Variants in NBAS observed in about 807,000 individuals in gnomAD.
NBAS encodes NAG/BC035112 fusion.
In NBAS, 219 loss-of-function variants were observed where a neutral mutation model predicts 302.5. That is an observed-to-expected ratio of 0.72 (90% CI 0.65 to 0.81). The LOEUF (loss-of-function observed/expected upper bound fraction) is 0.81. Among genes scored for constraint, NBAS ranks in the 30% least tolerant of loss-of-function variants. The probability of loss-of-function intolerance (pLI) is 0.00; values close to 1 mark genes in which losing one functional copy is unlikely to be tolerated. For synonymous variants in NBAS, 1,118 were observed against 1,021.6 expected, an observed-to-expected ratio of 1.09 and a Z score of -1.80; for missense variants, 2,932 against 2,841.6, an observed-to-expected ratio of 1.03 and a Z score of -0.72.
chr2:15,403,417 C>A (rs1676245648), intron 25 of NBAS, among the ~76,000 whole-genome samples: 3 of 152,156 alleles, frequency 2.0e-5, no homozygotes, highest in South Asian at 2.1e-4. Flanking sequence ...AGCCATGTAT[C>A]CAAAATATCT....
chr2:14,794,922 T>C, the NBAS span, among the ~76,000 whole-genome samples: 5 of 152,250 alleles, frequency 3.3e-5, no homozygotes, highest in Admixed American at 3.3e-4. Context: ...TGTTGTTGTA[T>C]GTATTGGCAA....
At chr2:15,263,811 A>C (rs1169911473) in intron 44 of NBAS, among the ~76,000 whole-genome samples, 1 of 152,002 alleles carries the variant, frequency 6.6e-6, no homozygotes, top group Non-Finnish European at 1.5e-5. Context: ...TCTTTAACTG[A>C]GTTATTTGTT....
In NBAS at chr2:15,561,266, G is replaced by T. The variant is rs574551087; in HGVS notation, c.39C>A (p.Gly13=). The T allele has an allele frequency of 4.3e-6, 7 of 1,613,932 alleles. No individual in the cohort carries two copies. The East Asian group carries it at 8.9e-5, about 21-fold the overall frequency. ...TCGTCTCCTCCTCACCCTCTGCAGT[G>T]CCTGGACTCAAAGCCGGCCCTGACT... ...APESGPALSP[G]TAEGEEETIL... Residue 13 remains glycine (G), a synonymous_variant, in exon 1 of 52, where the codon GGC becomes GGA. Coordinates refer to ENST00000281513, the MANE Select transcript of NBAS (RefSeq NM_015909.4).
At chr2:15,440,359 G>A (rs567651392) in intron 21 of NBAS, among the ~76,000 whole-genome samples, 15 of 152,232 alleles carry the variant, frequency 9.9e-5, no homozygotes, top group Admixed American at 3.9e-4. Context: ...ACGAAAAACC[G>A]CTATTCTGCA....
chr2:15,172,258 A>T (rs1478468335), intron 51 of NBAS, among the ~76,000 whole-genome samples: 2 of 152,212 alleles, frequency 1.3e-5, no homozygotes, highest in Non-Finnish European at 2.9e-5. Flanking sequence ...TGCAAGAATG[A>T]ATTTTTCCAT....
chr2:14,827,429 G>A, the NBAS span, among the ~76,000 whole-genome samples: 12 of 152,276 alleles, frequency 7.9e-5, no homozygotes, highest in South Asian at 1.7e-3. Context: ...TTGGGAGTCC[G>A]TGGGCATTTT....
intron 42 of NBAS, among the ~76,000 whole-genome samples, chr2:15,280,702 T>C (rs1344229086): frequency 2.0e-5 from 3 of 152,162 alleles, no homozygotes; most frequent in African/African-American, 7.2e-5. Flanking sequence ...CTGCAGTGGC[T>C]TGTAAGCATT....
intron 6 of NBAS, among the ~76,000 whole-genome samples, chr2:15,541,605 A>G (rs757060550): frequency 1.6e-4 from 24 of 152,142 alleles, no homozygotes; most frequent in Non-Finnish European, 2.9e-4. Context: ...TTCAGCATGG[A>G]TAAGTCTAAT....
chr2:15,217,131 A>C (rs1281575814), intron 48 of NBAS, among the ~76,000 whole-genome samples: 1 of 152,206 alleles, frequency 6.6e-6, no homozygotes, highest in Non-Finnish European at 1.5e-5. Context: ...TCGTGTCCCT[A>C]GCCTGCTCTT....
intron 48 of NBAS, among the ~76,000 whole-genome samples, chr2:15,207,091 A>G (rs1051775837): frequency 6.6e-6 from 1 of 152,190 alleles, no homozygotes; most frequent in Non-Finnish European, 1.5e-5. Flanking sequence ...AGCCTGAGAA[A>G]GCAGTCATGG....
chr2:15,458,250 C>A (rs1011370150), intron 21 of NBAS, among the ~76,000 whole-genome samples: 4 of 152,018 alleles, frequency 2.6e-5, no homozygotes, highest in African/African-American at 9.7e-5. Context: ...GAAAGGAGTA[C>A]CTTATAGAAA....
At chr2:14,787,298 A>G in the NBAS span, among the ~76,000 whole-genome samples, 1 of 152,144 alleles carries the variant, frequency 6.6e-6, no homozygotes, top group Non-Finnish European at 1.5e-5. Flanking sequence ...GTGTCTTTTA[A>G]TTGGAGCATT....
At chr2:15,180,218 G>A (rs1435375851) in intron 50 of NBAS, 1 of 152,200 alleles carries the variant, frequency 6.6e-6, no homozygotes, top group Non-Finnish European at 1.5e-5. Flanking sequence ...GTTCTCTTGG[G>A]AATTCTGCAC....
chr2:15,212,526 C>T (rs1039034163), intron 48 of NBAS, among the ~76,000 whole-genome samples: 5 of 152,164 alleles, frequency 3.3e-5, no homozygotes, highest in South Asian at 2.1e-4. Context: ...AGTGGCTGCA[C>T]GCCCTCCTTT....
chr2:14,944,107 G>A, the NBAS span, among the ~76,000 whole-genome samples: 1 of 152,228 alleles, frequency 6.6e-6, no homozygotes, highest in Admixed American at 6.5e-5. Flanking sequence ...AGACCATCCT[G>A]GCTAACGCAG....
At chr2:14,879,254 G>A in the NBAS span, among the ~76,000 whole-genome samples, 1 of 152,100 alleles carries the variant, frequency 6.6e-6, no homozygotes, top group Non-Finnish European at 1.5e-5. Context: ...ATATAAAGCT[G>A]CCATAAGCAT....
chr2:15,489,090 A>G, intron 11 of NBAS, 68 bp from the exon 12 acceptor site: 2 of 1,564,362 alleles, frequency 1.3e-6, no homozygotes, highest in Non-Finnish European at 1.8e-6. Flanking sequence ...GAAGTAAATG[A>G]CACTCTTTAG....
At chr2:15,461,566 TTATTAA>T (rs1679506652) in intron 20 of NBAS, 115 bp downstream of exon 20, 1 of 767,798 alleles carries the variant, frequency 1.3e-6, no homozygotes. Flanking sequence ...TTCTCTACAC[TTATTAA>T]TATTAAAACA....
chr2:15,318,749 G>C (rs922463884), intron 38 of NBAS, among the ~76,000 whole-genome samples: 12 of 152,250 alleles, frequency 7.9e-5, no homozygotes, highest in Admixed American at 5.9e-4. Context: ...GATTCATAAA[G>C]CAAGTCCTTA....
Sources: allele counts gnomAD v4.1 joint callset (sites outside exome capture counted in the v4.1 genomes callset), GRCh38; gene constraint gnomAD v4.1.1; transcripts MANE v1.5; gene names NCBI Gene and HGNC (gene_info 2026-07-23, HGNC 2026-07-21).